Variants in SPIRE1 observed in about 807,000 individuals in gnomAD.
SPIRE1 encodes protein spire homolog 1.
SPIRE1 carries 40 observed loss-of-function variants against 94.1 expected under a neutral mutation model. That is an observed-to-expected ratio of 0.43 (90% CI 0.33 to 0.55). The LOEUF (loss-of-function observed/expected upper bound fraction) is 0.55. Ranked by LOEUF, SPIRE1 falls within the 20% of genes least tolerant of loss-of-function variation. SPIRE1 has a pLI of 0.06. For missense variants in SPIRE1, 838 were observed against 975.2 expected, an observed-to-expected ratio of 0.86 and a Z score of 1.87; for synonymous variants, 376 against 371.7, an observed-to-expected ratio of 1.01 and a Z score of -0.13.
chr18:12,495,878 T>C, intron 7 of SPIRE1, 138 bp downstream of exon 7: 1 of 627,792 alleles, frequency 1.6e-6, no homozygotes, highest in Non-Finnish European at 2.8e-6. Context: ...AAATATAATT[T>C]ACAGCTGGGC....
At chr18:12,553,124 TCAGGTGAGA>T (rs2035402598) in intron 2 of SPIRE1, among the ~76,000 whole-genome samples, 1 of 152,070 alleles carries the variant, frequency 6.6e-6, no homozygotes, top group South Asian at 2.1e-4. Context: ...TGAGTTGGCT[TCAGGTGAGA>T]CCCAGCCCCT....
chr18:12,527,010 G>A (rs904357634), intron 4 of SPIRE1, among the ~76,000 whole-genome samples: 12 of 151,802 alleles, frequency 7.9e-5, no homozygotes, highest in Non-Finnish European at 1.5e-4. Context: ...GCCTGGCCAC[G>A]GAAGACATTT....
chr18:12,607,927 C>T lies in SPIRE1; in HGVS notation c.372+27135G>A, dbSNP rs558305785. ...ATCCCAGCACTTTGGGAGGCTGAGG[C>T]GGGCAGATCACAAGGTCAGGAGATC... On this transcript the variant is annotated intron_variant, in intron 2 of 16. Coordinates refer to ENST00000409402, the MANE Select transcript of SPIRE1 (RefSeq NM_001128626.2). Among the ~76,000 whole-genome samples the T allele has an allele frequency of 3.2e-4, 49 of 152,080 alleles. 1 individual carries two copies. Among genetic ancestry groups the T allele is most frequent in the South Asian group, 1.2e-3 (6 of 4,814 alleles).
intron 1 of SPIRE1, among the ~76,000 whole-genome samples, chr18:12,636,004 T>C (rs1024381678): frequency 1.3e-5 from 2 of 151,970 alleles, no homozygotes; most frequent in African/African-American, 4.8e-5. Context: ...TTCTCCCACC[T>C]TGGCCTCCTG....
At chr18:12,480,701 G>A (rs890941438) in intron 9 of SPIRE1, among the ~76,000 whole-genome samples, 2 of 152,156 alleles carry the variant, frequency 1.3e-5, no homozygotes, top group Non-Finnish European at 2.9e-5. Context: ...TGCCACAGCT[G>A]ATCCATGAGT....
chr18:12,570,736 G>A (rs764782668), intron 2 of SPIRE1, among the ~76,000 whole-genome samples: 4 of 152,082 alleles, frequency 2.6e-5, no homozygotes, highest in Non-Finnish European at 5.9e-5. Context: ...CGCACACCTG[G>A]ACATCTCCTA....
rs1567947225 is a variant in SPIRE1 at position 12,579,686 on chromosome 18, AT to A, written c.373-32783del. ...CTACAATTTCTTGGGGAGCATTACC[AT>A]GCAGCAACATTCACAAAGGTATGAT... On this transcript the variant is annotated intron_variant, in intron 2 of 16. Transcript: ENST00000409402. Among the ~76,000 whole-genome samples, 4 of 152,340 alleles carry A rather than the reference AT, an allele frequency of 2.6e-5. No individual in the cohort carries two copies. The South Asian group carries it at 8.3e-4, about 32-fold the overall frequency.
At position 12,476,560 on chromosome 18, in the gene SPIRE1, A is replaced by T. The variant is rs1415797961; in HGVS notation, c.1404+3139T>A. Among the ~76,000 whole-genome samples the T allele has an allele frequency of 6.7e-3, 514 of 76,242 alleles. 2 individuals carry two copies. Among genetic ancestry groups the T allele is most frequent in the African/African-American group, 0.043 (488 of 11,290 alleles). 50.0% of individuals were successfully genotyped at this position (76,242 alleles called of 152,430 possible). ...TGTCTCCAAAAAAAAAAAAAAAAAAAAAAAATATATATATATATATATATA... is the reference window on the plus strand; with the variant it reads ...TGTCTCCAAAAAAAAAAAAAAAAAATAAAAATATATATATATATATATATA... On this transcript the variant is annotated intron_variant, in intron 10 of 16. Coordinates refer to ENST00000409402, the MANE Select transcript of SPIRE1 (RefSeq NM_001128626.2).
At chr18:12,592,097 G>A (rs1205885700) in intron 2 of SPIRE1, among the ~76,000 whole-genome samples, 1 of 151,878 alleles carries the variant, frequency 6.6e-6, no homozygotes, top group African/African-American at 2.4e-5. Flanking sequence ...TTTCAGAGGA[G>A]CAAATAATTC....
At chr18:12,638,928 A>G (rs1405641265) in intron 1 of SPIRE1, among the ~76,000 whole-genome samples, 1 of 152,138 alleles carries the variant, frequency 6.6e-6, no homozygotes, top group Non-Finnish European at 1.5e-5. Context: ...AGCCTGCAGA[A>G]CAGTGATCCA....
At chr18:12,463,063 AATT>A (rs2031931930) in intron 12 of SPIRE1, among the ~76,000 whole-genome samples, 7 of 152,094 alleles carry the variant, frequency 4.6e-5, no homozygotes, top group Admixed American at 3.3e-4. Flanking sequence ...ACACCTGGCT[AATT>A]ATTATTATTT....
chr18:12,525,679 G>A (rs186297927), intron 4 of SPIRE1, among the ~76,000 whole-genome samples: 19 of 152,088 alleles, frequency 1.2e-4, no homozygotes, highest in Non-Finnish European at 7.4e-5. Flanking sequence ...CTGCTTCCTC[G>A]CTCACACCAG....
At chr18:12,492,682 C>T (rs936801071) in intron 8 of SPIRE1, among the ~76,000 whole-genome samples, 1 of 152,082 alleles carries the variant, frequency 6.6e-6, no homozygotes, top group African/African-American at 2.4e-5. Context: ...TTAATTCTTA[C>T]ATAAAACTCA....
At chr18:12,641,172 A>T (rs540535908) in intron 1 of SPIRE1, among the ~76,000 whole-genome samples, 2 of 152,316 alleles carry the variant, frequency 1.3e-5, no homozygotes, top group African/African-American at 2.4e-5. Flanking sequence ...AATATTCTCA[A>T]ACATTTGACC....
intron 2 of SPIRE1, among the ~76,000 whole-genome samples, chr18:12,572,165 G>A (rs2035973580): frequency 6.6e-6 from 1 of 152,126 alleles, no homozygotes; most frequent in Non-Finnish European, 1.5e-5. Flanking sequence ...GAGCGAGGAT[G>A]AAGCTAGACC....
intron 4 of SPIRE1, among the ~76,000 whole-genome samples, chr18:12,531,193 C>T (rs1338628214): frequency 6.6e-6 from 1 of 152,144 alleles, no homozygotes; most frequent in Non-Finnish European, 1.5e-5. Flanking sequence ...AGCCACTGTG[C>T]CTGGCCTCCC....
At chr18:12,483,860 T>A (rs115526326) in intron 9 of SPIRE1, among the ~76,000 whole-genome samples, 2 of 152,156 alleles carry the variant, frequency 1.3e-5, no homozygotes, top group African/African-American at 4.8e-5. Flanking sequence ...TTTTAATTAA[T>A]AGTTAAAATG....
intron 2 of SPIRE1, among the ~76,000 whole-genome samples, chr18:12,595,091 A>T (rs2036634054): frequency 6.6e-6 from 1 of 152,178 alleles, no homozygotes; most frequent in Non-Finnish European, 1.5e-5. Context: ...CAGTGTGGGC[A>T]AAAGAGTGAG....
chr18:12,564,687 C>T (rs2035771885), intron 2 of SPIRE1, among the ~76,000 whole-genome samples: 1 of 151,974 alleles, frequency 6.6e-6, no homozygotes, highest in African/African-American at 2.4e-5. Flanking sequence ...TGGAAACTGC[C>T]CTGGGAACCA....
Sources: gnomAD v4.1 joint callset for allele counts (sites outside exome capture counted in the v4.1 genomes callset) on GRCh38, gnomAD v4.1.1 for gene constraint, MANE v1.5 for transcripts, NCBI Gene and HGNC (gene_info 2026-07-23, HGNC 2026-07-21) for gene names.